Variants in ANO10 observed in about 807,000 individuals in gnomAD.
The protein encoded by ANO10 is anoctamin-10.
In ANO10, 77 loss-of-function variants were observed where a neutral mutation model predicts 74.7. The observed-to-expected ratio is 1.03, with a 90% CI of 0.86 to 1.25. The LOEUF is 1.25. ANO10 is among the 50% of genes most tolerant of loss of function. ANO10 has a pLI of 0.00. For synonymous variants in ANO10, 279 were observed against 284.9 expected (o/e 0.98, Z 0.21); for missense variants, 721 against 778.1 (o/e 0.93, Z 0.87).
chr3:43,395,615 C>T (rs2148856652), intron 12 of ANO10, among the ~76,000 whole-genome samples: 1 of 151,872 alleles, frequency 6.6e-6, no homozygotes, highest in African/African-American at 2.4e-5. Flanking sequence ...TATCACCGAA[C>T]TCTATTCTGC....
At chr3:43,456,872 C>A (rs1042906151) in intron 11 of ANO10, among the ~76,000 whole-genome samples, 3 of 152,164 alleles carry the variant, frequency 2.0e-5, no homozygotes, top group Non-Finnish European at 4.4e-5. Flanking sequence ...GAGTGAAACA[C>A]AGTAAGTACG....
chr3:43,459,059 A>G (rs2075268461), intron 11 of ANO10, among the ~76,000 whole-genome samples: 1 of 152,220 alleles, frequency 6.6e-6, no homozygotes, highest in Non-Finnish European at 1.5e-5. Flanking sequence ...ACATAAATAT[A>G]TGAGAAGAGA....
intron 11 of ANO10, among the ~76,000 whole-genome samples, chr3:43,536,630 C>T (rs998503606): frequency 6.6e-6 from 1 of 152,058 alleles, no homozygotes; most frequent in Non-Finnish European, 1.5e-5. Flanking sequence ...GAAAGAAAAG[C>T]TTAAAAGCCC....
intron 12 of ANO10, among the ~76,000 whole-genome samples, chr3:43,393,988 A>ATT (rs2092328366): frequency 6.6e-6 from 1 of 152,096 alleles, no homozygotes; most frequent in African/African-American, 2.4e-5. Context: ...GCTAGGAGAG[A>ATT]ATGAACACCC....
In ANO10 at chr3:43,489,091, A is replaced by T. The variant is rs1407352526; in HGVS notation, c.1798-56364T>A. Reference sequence around the variant, plus strand: ...AAGAACAAAAAACCAAACACCGCATATTCTCACGCATAGGTGGGAATTGAA... The same window carrying T: ...AAGAACAAAAAACCAAACACCGCATTTTCTCACGCATAGGTGGGAATTGAA... On this transcript the variant is annotated intron_variant, in intron 11 of 12. Transcript: ENST00000292246. 2.7e-5 allele frequency among the ~76,000 whole-genome samples: 4 copies of T among 148,938 alleles called. No homozygotes were observed. The Admixed American group carries it at 2.7e-4, about 10-fold the overall frequency.
At chr3:43,496,821 C>A (rs940901303) in intron 11 of ANO10, among the ~76,000 whole-genome samples, 1 of 152,078 alleles carries the variant, frequency 6.6e-6, no homozygotes, top group Non-Finnish European at 1.5e-5. Context: ...AAGTCCAAAC[C>A]AAAATTCAAA....
rs1021810622 is a variant in ANO10, at chr3:43,366,169, C to A, written c.*737G>T. 1 of 153,816 alleles carries A rather than the reference C, an allele frequency of 6.5e-6. No homozygotes were observed. The highest frequency in any genetic ancestry group is 2.4e-5 in the African/African-American group (1 of 41,478). The allele number at this position is 153,816 out of a possible 1,614,324, so 9.5% of individuals were successfully genotyped here. A position where few individuals can be genotyped will look rare whatever the true frequency, so the allele number is the denominator to read the frequency against. On this transcript the variant is annotated 3_prime_UTR_variant, in exon 13 of 13. Coordinates refer to ENST00000292246, the MANE Select transcript of ANO10 (RefSeq NM_018075.5). ...CTAGTGTCCCTGTAGGTGGGCACCA[C>A]CAGCAGCAGTTCTCAAAAATGGCCC...
At chr3:43,392,082 C>T (rs990768095) in intron 12 of ANO10, among the ~76,000 whole-genome samples, 1 of 152,084 alleles carries the variant, frequency 6.6e-6, no homozygotes, top group Non-Finnish European at 1.5e-5. Flanking sequence ...GGGTCCTCAC[C>T]AGAGAGGCAG....
At chr3:43,481,931 T>C (rs1270666479) in intron 11 of ANO10, among the ~76,000 whole-genome samples, 5 of 147,038 alleles carry the variant, frequency 3.4e-5, no homozygotes, top group Non-Finnish European at 7.5e-5. Flanking sequence ...TTTTTTCTTT[T>C]TTTTTTTTTT....
In ANO10 at chr3:43,386,143, T is replaced by C. The variant is rs374398801; in HGVS notation, c.1915-19169A>G. Reference sequence around the variant, plus strand: ...CCTGAGGATTCTGAGGAAGTTGTGATTTCAAGGATTCACCTGCCTCTTTTT... The same window carrying C: ...CCTGAGGATTCTGAGGAAGTTGTGACTTCAAGGATTCACCTGCCTCTTTTT... On this transcript the variant is annotated intron_variant, in intron 12 of 12. Coordinates refer to ENST00000292246, the MANE Select transcript of ANO10 (RefSeq NM_018075.5). Among the ~76,000 whole-genome samples, 700 of 152,138 alleles carry C rather than the reference T, an allele frequency of 4.6e-3. 6 individuals carry two copies. The highest frequency in any genetic ancestry group is 0.015 in the African/African-American group (623 of 41,534).
At chr3:43,397,171 C>T (rs1241034096) in intron 12 of ANO10, among the ~76,000 whole-genome samples, 3 of 152,124 alleles carry the variant, frequency 2.0e-5, no homozygotes, top group Non-Finnish European at 4.4e-5. Context: ...TCAGGTAATC[C>T]ACCTGCCTCA....
At chr3:43,413,430 A>T (rs1160928467) in intron 12 of ANO10, among the ~76,000 whole-genome samples, 3 of 151,882 alleles carry the variant, frequency 2.0e-5, no homozygotes, top group African/African-American at 7.3e-5. Flanking sequence ...CTGACAGTTC[A>T]TTCTCACAAG....
intron 1 of ANO10, among the ~76,000 whole-genome samples, chr3:43,676,370 G>A (rs1444115485): frequency 2.6e-5 from 4 of 152,052 alleles, no homozygotes; most frequent in African/African-American, 9.7e-5. Flanking sequence ...TGAGCCAGGA[G>A]GATTGTTTAA....
intron 11 of ANO10, among the ~76,000 whole-genome samples, chr3:43,483,091 T>C (rs765041398): frequency 4.6e-5 from 7 of 152,262 alleles, no homozygotes; most frequent in Non-Finnish European, 1.0e-4. Flanking sequence ...AATGATTTTA[T>C]GCTATAAGCT....
chr3:43,477,167 C>A (rs2076097380), intron 11 of ANO10, among the ~76,000 whole-genome samples: 1 of 152,084 alleles, frequency 6.6e-6, no homozygotes, highest in South Asian at 2.1e-4. Flanking sequence ...CTTTCATTAT[C>A]CCTCAAATTA....
chr3:43,619,832 C>T (rs1219746325), intron 1 of ANO10, among the ~76,000 whole-genome samples: 2 of 148,382 alleles, frequency 1.3e-5, no homozygotes, highest in Non-Finnish European at 3.0e-5. Flanking sequence ...CACCACTGCA[C>T]GCACTGCAGT....
At chr3:43,596,041 A>G (rs1575510971) in intron 4 of ANO10, among the ~76,000 whole-genome samples, 1 of 152,178 alleles carries the variant, frequency 6.6e-6, no homozygotes, top group African/African-American at 2.4e-5. Context: ...AAAACCTAGG[A>G]ATACAACTTA....
chr3:43,367,026 C>G (rs765756827), intron 12 of ANO10, 52 bp from the exon 13 acceptor site: 10 of 1,526,698 alleles, frequency 6.6e-6, no homozygotes, highest in Admixed American at 1.9e-5. Context: ...TAAGTAGTGG[C>G]CGAGGCCTCT....
At chr3:43,570,699 A>T (rs1408459071) in intron 7 of ANO10, among the ~76,000 whole-genome samples, 1 of 145,734 alleles carries the variant, frequency 6.9e-6, no homozygotes, top group Non-Finnish European at 1.5e-5. Flanking sequence ...TGGATTAAAG[A>T]CTTAAACGTT....
Sources: allele counts gnomAD v4.1 joint callset (sites outside exome capture counted in the v4.1 genomes callset), GRCh38; gene constraint gnomAD v4.1.1; transcripts MANE v1.5; gene names NCBI Gene and HGNC (gene_info 2026-07-23, HGNC 2026-07-21).